The following CEPT1 variants were observed in gnomAD, a reference collection of about 807,000 sequenced individuals.
CEPT1 encodes the protein choline/ethanolamine phosphotransferase 1, also known as choline/ethanolaminephosphotransferase 1.
A neutral mutation model predicts 42.6 loss-of-function variants in CEPT1; 7 were observed. The observed-to-expected ratio is 0.16, with a 90% CI of 0.09 to 0.31. The LOEUF (loss-of-function observed/expected upper bound fraction) is 0.31, where lower values mean the gene tolerates loss of function less well. CEPT1 is among the 10% of genes least tolerant of loss of function. The pLI, the probability that CEPT1 is intolerant of heterozygous loss-of-function variation, is 1.00. For synonymous variants in CEPT1, 171 were observed against 171.9 expected (o/e 0.99, Z 0.04); for missense variants, 306 against 502.1 (o/e 0.61, Z 3.73).
Position 111,184,958 on chromosome 1 carries a change from T to A in CEPT1, c.*648T>A, listed in dbSNP as rs1657193096. The A allele has an allele frequency of 6.6e-6, 1 of 152,168 alleles. No individual in the cohort carries two copies. Among genetic ancestry groups the A allele is most frequent in the South Asian group, 2.1e-4 (1 of 4,824 alleles). 9.4% of individuals were successfully genotyped at this position (152,168 alleles called of 1,614,324 possible). ...GTAACTTTGTCAATTTCCCATTTTATTTTTTTAAATAAATATATGATCTAA... is the reference window on the plus strand; with the variant it reads ...GTAACTTTGTCAATTTCCCATTTTAATTTTTTAAATAAATATATGATCTAA... On this transcript the variant is annotated 3_prime_UTR_variant, in exon 9 of 9. Coordinates refer to ENST00000357172, the MANE Select transcript of CEPT1 (RefSeq NM_006090.5).
chr1:111,152,570 T>G (rs554654489), intron 2 of CEPT1, among the ~76,000 whole-genome samples: 1 of 152,232 alleles, frequency 6.6e-6, no homozygotes, highest in East Asian at 1.9e-4. Flanking sequence ...GCAAAATAAG[T>G]CTTTATTGTT....
chr1:111,182,130 G>C, intron 5 of CEPT1, 57 bp from the exon 6 acceptor site: 1 of 1,380,234 alleles, frequency 7.2e-7, no homozygotes, highest in Non-Finnish European at 9.9e-7. Context: ...ATATTAGACT[G>C]TTTTCTTATT....
At chr1:111,151,072 A>G (rs1655242781) in intron 2 of CEPT1, among the ~76,000 whole-genome samples, 1 of 151,556 alleles carries the variant, frequency 6.6e-6, no homozygotes, top group African/African-American at 2.4e-5. Flanking sequence ...AGCCCTCAGG[A>G]GGTCCTGAGA....
intron 3 of CEPT1, chr1:111,159,794 C>CA (rs1352315063): frequency 3.6e-6 from 1 of 279,266 alleles, no homozygotes; most frequent in East Asian, 1.1e-4. Flanking sequence ...TTGTCACCAT[C>CA]AAAACTCTTA....
At position 111,159,500 on chromosome 1, in the gene CEPT1, G is replaced by T; in HGVS notation, c.460G>T (p.Asp154Tyr). The part of the protein sequence containing the change: ...NSSSPLGELF[D>Y]HGCDSLSTVF... ...TAGTTCTCCTCTGGGAGAACTTTTT[G>T]ATCATGGCTGTGATTCACTATCAAC... is the stretch of plus-strand genomic sequence containing the variant. Residue 154 changes from aspartate (D) to tyrosine (Y), a missense_variant, in exon 3 of 9, where the codon GAT becomes TAT. This residue lies in a region of CEPT1 where 253 missense variants were observed against 447.3 expected (regional missense o/e 0.57). Transcript: ENST00000357172. 6.2e-7 allele frequency: 1 copy of T among 1,610,538 alleles called. No individual in the cohort carries two copies. The highest frequency in any genetic ancestry group is 1.1e-5 in the South Asian group (1 of 90,048).
chr1:111,177,574 C>A (rs1231694795), intron 5 of CEPT1, among the ~76,000 whole-genome samples: 2 of 152,082 alleles, frequency 1.3e-5, no homozygotes, highest in Non-Finnish European at 2.9e-5. Flanking sequence ...TTAGGTGATG[C>A]CTGGTAGTAA....
chr1:111,182,719 C>T, intron 6 of CEPT1, 80 bp from the exon 7 acceptor site: 2 of 1,317,174 alleles, frequency 1.5e-6, no homozygotes, highest in Non-Finnish European at 1.0e-6. Context: ...TTGAGTTGAA[C>T]TGTGAACTGT....
intron 4 of CEPT1, among the ~76,000 whole-genome samples, chr1:111,169,295 C>G (rs1291540021): frequency 2.0e-5 from 3 of 152,110 alleles, no homozygotes; most frequent in Non-Finnish European, 4.4e-5. Context: ...TTGCAGTTGC[C>G]TAGATTTATA....
At chr1:111,163,127 A>G (rs970137562) in intron 4 of CEPT1, among the ~76,000 whole-genome samples, 17 of 152,060 alleles carry the variant, frequency 1.1e-4, no homozygotes, top group Non-Finnish European at 2.1e-4. Context: ...CACTGACACT[A>G]GAGTGCTTGC....
At chr1:111,177,968 T>C (rs1656769931) in intron 5 of CEPT1, among the ~76,000 whole-genome samples, 1 of 152,226 alleles carries the variant, frequency 6.6e-6, no homozygotes, top group African/African-American at 2.4e-5. Flanking sequence ...TATTCTGTTT[T>C]TTCTTTTTTA....
At chr1:111,178,411 A>G (rs1656797330) in intron 5 of CEPT1, 1 of 151,984 alleles carries the variant, frequency 6.6e-6, no homozygotes, top group South Asian at 2.1e-4. Context: ...TTTTCCCCAA[A>G]GAGATGAATT....
chr1:111,175,793 T>G (rs531067825), intron 5 of CEPT1, among the ~76,000 whole-genome samples: 1 of 152,346 alleles, frequency 6.6e-6, no homozygotes, highest in East Asian at 1.9e-4. Context: ...CTTTCAGATT[T>G]GGGTTGTCAT....
intron 5 of CEPT1, among the ~76,000 whole-genome samples, chr1:111,177,697 T>C (rs1032737922): frequency 3.3e-5 from 5 of 152,322 alleles, no homozygotes; most frequent in Middle Eastern, 3.4e-3. Context: ...TTTTGTCCTG[T>C]CTTGTAATTA....
intron 1 of CEPT1, among the ~76,000 whole-genome samples, chr1:111,143,246 A>C (rs1031703035): frequency 6.6e-6 from 1 of 152,172 alleles, no homozygotes; most frequent in Non-Finnish European, 1.5e-5. Flanking sequence ...ACTCTTTACT[A>C]TCTCAGGGCG....
At chr1:111,155,518 T>C (rs897028649) in intron 2 of CEPT1, among the ~76,000 whole-genome samples, 10 of 151,838 alleles carry the variant, frequency 6.6e-5, no homozygotes, top group African/African-American at 1.9e-4. Context: ...TATATACATA[T>C]ATATGATATA....
chr1:111,149,779 T>C (rs1230521151), intron 2 of CEPT1, among the ~76,000 whole-genome samples: 1 of 152,222 alleles, frequency 6.6e-6, no homozygotes, highest in Non-Finnish European at 1.5e-5. Flanking sequence ...GGTGGATTGA[T>C]TCCAGTGGAA....
chr1:111,171,095 TTCATAGAA>T (rs1217402630), intron 4 of CEPT1, among the ~76,000 whole-genome samples: 1 of 152,230 alleles, frequency 6.6e-6, no homozygotes, highest in East Asian at 1.9e-4. Context: ...GTGCTTAGCT[TTCATAGAA>T]TGCCATTTAA....
Position 111,168,365 on chromosome 1 carries a change from A to G in CEPT1, c.630-6514A>G, listed in dbSNP as rs145520690. Among the ~76,000 whole-genome samples the G allele has an allele frequency of 2.4e-3, 364 of 152,214 alleles. 1 individual carries two copies. The highest frequency in any genetic ancestry group is 8.2e-3 in the African/African-American group (340 of 41,536). Reference sequence around the variant, plus strand: ...GAAAACCTGACAGATCATTATATCAATGCAAGGGTTTATTAAGTTTCCTAC... The same window carrying G: ...GAAAACCTGACAGATCATTATATCAGTGCAAGGGTTTATTAAGTTTCCTAC... On this transcript the variant is annotated intron_variant, in intron 4 of 8. Coordinates refer to ENST00000357172, the MANE Select transcript of CEPT1 (RefSeq NM_006090.5).
intron 3 of CEPT1, 142 bp downstream of exon 3, chr1:111,159,669 T>G: frequency 1.7e-6 from 1 of 576,406 alleles, no homozygotes; most frequent in South Asian, 3.0e-5. Context: ...ATGAACCTAG[T>G]TAATATTTGT....
Sources: gnomAD v4.1 joint callset for allele counts (sites outside exome capture counted in the v4.1 genomes callset) on GRCh38, gnomAD v4.1.1 for gene constraint, gnomAD v4.1.1 regional missense constraint, MANE v1.5 for transcripts, NCBI Gene and HGNC (gene_info 2026-07-23, HGNC 2026-07-21) for gene names.